STRBP: variants seen among roughly 807,000 people sequenced by gnomAD.
STRBP encodes the protein spermatid perinuclear RNA-binding protein.
STRBP carries 13 observed loss-of-function variants against 80.1 expected under a neutral mutation model. The observed-to-expected ratio is 0.16, with a 90% CI of 0.11 to 0.26. The LOEUF (loss-of-function observed/expected upper bound fraction) is 0.26. Ranked by LOEUF, STRBP falls within the 10% of genes least tolerant of loss-of-function variation. The pLI is 1.00. For synonymous variants in STRBP, 284 were observed against 291.2 expected (o/e 0.98, Z 0.25); for missense variants, 485 against 815.2 (o/e 0.59, Z 4.93).
intron 1 of STRBP, among the ~76,000 whole-genome samples, chr9:123,257,987 A>C (rs1392643214): frequency 6.6e-6 from 1 of 152,092 alleles, no homozygotes; most frequent in Non-Finnish European, 1.5e-5. Flanking sequence ...AGATGAATAA[A>C]TTAATAAGGA....
intron 1 of STRBP, among the ~76,000 whole-genome samples, chr9:123,244,298 T>C (rs1273619311): frequency 3.3e-5 from 5 of 152,144 alleles, no homozygotes; most frequent in African/African-American, 4.8e-5. Context: ...TGCCACGAAC[T>C]GGGGGTACAG....
In STRBP at chr9:123,184,165, C is replaced by T. The variant is rs777226530; in HGVS notation, c.-31G>A. On this transcript the variant is annotated 5_prime_UTR_variant, in exon 3 of 19. Coordinates refer to ENST00000348403, the MANE Select transcript of STRBP (RefSeq NM_018387.5). ...TCTATAGTATTTTAGCTTCTTTTTC[C>T]GATCCTTTCCCCTCTTTCTTGTCGT... 2.2e-5 allele frequency: 36 copies of T among 1,607,262 alleles called. No individual in the cohort carries two copies. The East Asian group carries it at 2.7e-4, about 12-fold the overall frequency.
chr9:123,252,167 A>C (rs181430128), intron 1 of STRBP, among the ~76,000 whole-genome samples: 2 of 152,322 alleles, frequency 1.3e-5, no homozygotes, highest in East Asian at 3.9e-4. Context: ...AAATCCAAGA[A>C]GAAACGTGCT....
chr9:123,159,628 G>A (rs771629943), intron 8 of STRBP, among the ~76,000 whole-genome samples: 9 of 152,010 alleles, frequency 5.9e-5, no homozygotes, highest in Admixed American at 2.6e-4. Context: ...ATAAGACTTC[G>A]TTTCAGACAG....
At chr9:123,166,188 T>C (rs193249747) in intron 6 of STRBP, among the ~76,000 whole-genome samples, 1 of 152,352 alleles carries the variant, frequency 6.6e-6, no homozygotes, top group Non-Finnish European at 1.5e-5. Flanking sequence ...CTGATTCTAA[T>C]ACTATACATC....
chr9:123,158,883 C>G (rs2037404167), intron 9 of STRBP, among the ~76,000 whole-genome samples: 1 of 151,954 alleles, frequency 6.6e-6, no homozygotes, highest in Non-Finnish European at 1.5e-5. Context: ...TTATTAGTAC[C>G]CTTTATGTTA....
intron 2 of STRBP, among the ~76,000 whole-genome samples, chr9:123,223,124 T>G (rs1195922187): frequency 1.3e-5 from 2 of 152,070 alleles, no homozygotes; most frequent in African/African-American, 2.4e-5. Context: ...AAAAAAGCTA[T>G]GTAATATATT....
intron 3 of STRBP, 117 bp from the exon 4 acceptor site, chr9:123,179,344 T>G (rs2038356818): frequency 2.4e-6 from 2 of 848,358 alleles, no homozygotes; most frequent in Non-Finnish European, 3.5e-6. Flanking sequence ...GTGAAACAGT[T>G]AATACTGAAA....
At chr9:123,157,092 A>C (rs1221880441) in intron 11 of STRBP, among the ~76,000 whole-genome samples, 1 of 152,146 alleles carries the variant, frequency 6.6e-6, no homozygotes, top group Non-Finnish European at 1.5e-5. Context: ...CAAGGCCTAA[A>C]ACTAGGAAGT....
chr9:123,198,722 G>A (rs1384600269), intron 2 of STRBP, among the ~76,000 whole-genome samples: 2 of 152,042 alleles, frequency 1.3e-5, no homozygotes, highest in Non-Finnish European at 2.9e-5. Context: ...AATTTTTATT[G>A]TCTCAGGTCT....
At chr9:123,174,056 T>A (rs570387751) in intron 4 of STRBP, among the ~76,000 whole-genome samples, 26 of 152,356 alleles carry the variant, frequency 1.7e-4, no homozygotes. Flanking sequence ...ATACTACAGA[T>A]CTTGTAATTC....
intron 2 of STRBP, among the ~76,000 whole-genome samples, chr9:123,216,572 T>G (rs1330355194): frequency 6.6e-6 from 1 of 152,192 alleles, no homozygotes; most frequent in Non-Finnish European, 1.5e-5. Flanking sequence ...TACTACCCTT[T>G]AGTCACTGAG....
In STRBP at chr9:123,123,416, A is replaced by G; in HGVS notation, c.*2181T>C. On this transcript the variant is annotated 3_prime_UTR_variant, in exon 19 of 19. Coordinates refer to ENST00000348403, the MANE Select transcript of STRBP (RefSeq NM_018387.5). ...AAACAGTTGAACTTGCATGGTTACC[A>G]CTTCTAACAAAGGACTGACAGCTCG... 1.0e-6 allele frequency: 1 copy of G among 985,410 alleles called. No homozygotes were observed. The highest frequency in any genetic ancestry group is 1.2e-6 in the Non-Finnish European group (1 of 829,932). 61.0% of individuals were successfully genotyped at this position (985,410 alleles called of 1,614,324 possible).
intron 11 of STRBP, among the ~76,000 whole-genome samples, chr9:123,157,757 C>T (rs2037350518): frequency 6.6e-6 from 1 of 151,980 alleles, no homozygotes; most frequent in Admixed American, 6.6e-5. Context: ...ACAACAACAG[C>T]ATGGAGGTAA....
intron 1 of STRBP, among the ~76,000 whole-genome samples, chr9:123,247,917 C>A (rs539246527): frequency 1.3e-5 from 2 of 152,096 alleles, no homozygotes; most frequent in South Asian, 4.2e-4. Flanking sequence ...TTGAAAAAAA[C>A]AACAATAATA....
intron 17 of STRBP, among the ~76,000 whole-genome samples, chr9:123,131,050 A>G (rs1564217088): frequency 6.6e-6 from 1 of 152,190 alleles, no homozygotes; most frequent in African/African-American, 2.4e-5. Flanking sequence ...TATAAAGATC[A>G]AATCAGTGAA....
In STRBP at chr9:123,262,115, G is replaced by T. The variant is rs148928038; in HGVS notation, c.-302+6321C>A. On this transcript the variant is annotated intron_variant, in intron 1 of 18. Transcript: ENST00000348403. ...TACAAACTCCATTTTCATATTAAGG[G>T]CCAATATATCTAGAGAAGGATCTAT... Among the ~76,000 whole-genome samples the T allele has an allele frequency of 5.5e-3, 841 of 152,148 alleles. 5 individuals carry two copies. The highest frequency in any genetic ancestry group is 8.4e-3 in the Non-Finnish European group (569 of 67,994).
At chr9:123,256,018 C>CTTTTTTTTTTTTTTTTTTTTTT (rs11338372) in intron 1 of STRBP, among the ~76,000 whole-genome samples, 1 of 71,484 alleles carries the variant, frequency 1.4e-5, no homozygotes, top group Non-Finnish European at 2.4e-5. Flanking sequence ...TCCTTTCTTT[C>CTTTTTTTTTTTTTTTTTTTTTT]TTTTTTTTTT....
Position 123,179,197 on chromosome 9 carries a change from G to C in STRBP, c.34C>G (p.Arg12Gly). ...GTTGAATGTTTCACCATAACATGGC[G>C]ATCATCATTAGCAAAAGATCGAATA... ...RSIRSFANDD[R>G]HVMVKHSTIY... Residue 12 changes from arginine to glycine, a missense_variant, in exon 4 of 19, where the codon CGC (arginine) becomes GGC (glycine). By Grantham distance (125) the Arg-to-Gly change is moderately radical (BLOSUM62 -2). Transcript: ENST00000348403. The C allele has an allele frequency of 6.2e-7, 1 of 1,609,596 alleles. No homozygotes were observed. The highest frequency in any genetic ancestry group is 8.5e-7 in the Non-Finnish European group (1 of 1,176,198).
Sources: allele counts gnomAD v4.1 joint callset (sites outside exome capture counted in the v4.1 genomes callset), GRCh38; gene constraint gnomAD v4.1.1; transcripts MANE v1.5; gene names NCBI Gene and HGNC (gene_info 2026-07-23, HGNC 2026-07-21).